CSMD1: variants seen among roughly 807,000 people sequenced by gnomAD.
CSMD1 encodes the protein CUB and sushi domain-containing protein 1.
A neutral mutation model predicts 417.5 loss-of-function variants in CSMD1; 213 were observed. That is an observed-to-expected ratio of 0.51 (90% CI 0.46 to 0.57). CSMD1 has a LOEUF of 0.57. CSMD1 is among the 20% of genes least tolerant of loss of function. The pLI is 0.00. For synonymous variants in CSMD1, 2,862 were observed against 1,736.8 expected, an observed-to-expected ratio of 1.65 and a Z score of -16.11; for missense variants, 6,923 against 4,529.7, an observed-to-expected ratio of 1.53 and a Z score of -15.17.
At chr8:3,588,090 A>C (rs1053079098) in intron 8 of CSMD1, among the ~76,000 whole-genome samples, 19 of 150,466 alleles carry the variant, frequency 1.3e-4, no homozygotes, top group Non-Finnish European at 1.2e-4. Context: ...TCTTTTAAAA[A>C]ATTGTTATAT....
chr8:3,165,817 G>A (rs1820174978), intron 37 of CSMD1, among the ~76,000 whole-genome samples: 2 of 152,100 alleles, frequency 1.3e-5, no homozygotes, highest in Non-Finnish European at 2.9e-5. Context: ...GTGGAGCACA[G>A]GAGAACTCTG....
At chr8:4,177,388 C>A (rs931645874) in intron 3 of CSMD1, among the ~76,000 whole-genome samples, 7 of 151,904 alleles carry the variant, frequency 4.6e-5, no homozygotes, top group African/African-American at 1.7e-4. Context: ...CCAACGAGAA[C>A]AAAGACACAA....
At chr8:4,161,153 T>G (rs555649768) in intron 3 of CSMD1, among the ~76,000 whole-genome samples, 8 of 151,702 alleles carry the variant, frequency 5.3e-5, no homozygotes, top group African/African-American at 1.9e-4. Context: ...TAAGACATGA[T>G]AAAAGTTCAG....
At chr8:3,080,864 C>T (rs945741256) in intron 49 of CSMD1, among the ~76,000 whole-genome samples, 7 of 152,128 alleles carry the variant, frequency 4.6e-5, no homozygotes, top group Admixed American at 6.5e-5. Flanking sequence ...GGATGGCCCT[C>T]ACAATGTATC....
chr8:3,390,479 AG>A, intron 17 of CSMD1, among the ~76,000 whole-genome samples: 1 of 152,076 alleles, frequency 6.6e-6, no homozygotes, highest in East Asian at 1.9e-4. Context: ...CTTGTGGGAA[AG>A]GTAGGGCAAA....
intron 5 of CSMD1, among the ~76,000 whole-genome samples, chr8:3,910,573 G>A (rs1392263149): frequency 1.3e-5 from 2 of 152,146 alleles, no homozygotes; most frequent in East Asian, 3.9e-4. Flanking sequence ...ACAGTATTAT[G>A]AATGCATTAT....
intron 23 of CSMD1, among the ~76,000 whole-genome samples, chr8:3,337,080 G>A: frequency 6.6e-6 from 1 of 152,164 alleles, no homozygotes; most frequent in South Asian, 2.1e-4. Context: ...CTGTCCCCCT[G>A]CCTCAAAAGC....
chr8:3,516,305 AG>A, intron 10 of CSMD1, among the ~76,000 whole-genome samples: 1 of 152,374 alleles, frequency 6.6e-6, no homozygotes, highest in African/African-American at 2.4e-5. Flanking sequence ...GGGATTATAA[AG>A]AATCCAAAGA....
At chr8:3,072,959 A>T (rs80312814) in intron 49 of CSMD1, among the ~76,000 whole-genome samples, 1 of 152,140 alleles carries the variant, frequency 6.6e-6, no homozygotes, top group Admixed American at 6.5e-5. Flanking sequence ...GGCTTGGAAA[A>T]ATCTCCCCAG....
chr8:3,569,892 T>G (rs573948143), intron 10 of CSMD1, among the ~76,000 whole-genome samples: 1 of 152,116 alleles, frequency 6.6e-6, no homozygotes, highest in Non-Finnish European at 1.5e-5. Context: ...TCTGAACATT[T>G]CTCCGAGATA....
intron 1 of CSMD1, among the ~76,000 whole-genome samples, chr8:4,764,872 C>CAAAAAAAAAAAAA (rs1194894751): frequency 3.5e-4 from 18 of 50,932 alleles, no homozygotes; most frequent in South Asian, 1.6e-3. Flanking sequence ...GACTCCATCT[C>CAAAAAAAAAAAAA]AAAAAAAAAA....
chr8:4,171,346 C>T (rs1432274104), intron 3 of CSMD1, among the ~76,000 whole-genome samples: 1 of 151,916 alleles, frequency 6.6e-6, no homozygotes, highest in South Asian at 2.1e-4. Context: ...GTGGAAACAA[C>T]TCCTTACCTT....
chr8:3,744,930 G>C (rs539566439), intron 6 of CSMD1, among the ~76,000 whole-genome samples: 72 of 152,310 alleles, frequency 4.7e-4, no homozygotes, highest in Admixed American at 9.2e-4. Flanking sequence ...AGCAGACTGA[G>C]GTTTCTAAGG....
chr8:3,319,316 C>A (rs1249787247), intron 23 of CSMD1, among the ~76,000 whole-genome samples: 3 of 152,142 alleles, frequency 2.0e-5, no homozygotes, highest in African/African-American at 4.8e-5. Context: ...AGAACCACTG[C>A]AGAGTCTTCA....
At position 4,761,936 on chromosome 8, in the gene CSMD1, T is replaced by A. The variant is rs186372238; in HGVS notation, c.86-124378A>T. Among the ~76,000 whole-genome samples the A allele has an allele frequency of 2.2e-3, 323 of 148,742 alleles. 3 individuals carry two copies. The highest frequency in any genetic ancestry group is 7.7e-3 in the African/African-American group (309 of 40,034). ...CAATCTATCTATCTATCTATCTATC[T>A]ATCTATCTATCTATCTATCTATCTA... On this transcript the variant is annotated intron_variant, in intron 1 of 69. Transcript: ENST00000635120.
chr8:3,535,580 TACTTAATGAGAAATA>T (rs1187612931), intron 10 of CSMD1, among the ~76,000 whole-genome samples: 6 of 152,088 alleles, frequency 3.9e-5, no homozygotes, highest in African/African-American at 7.2e-5. Flanking sequence ...GATGAGAAAT[TACTTAATGAGAAATA>T]ACTTAATGGG....
chr8:3,537,771 A>T (rs117741756), intron 10 of CSMD1, among the ~76,000 whole-genome samples: 2 of 152,218 alleles, frequency 1.3e-5, no homozygotes, highest in Non-Finnish European at 2.9e-5. Context: ...TAAAACAAGA[A>T]CACTTCACCA....
chr8:3,935,659 T>G (rs1337529898), intron 5 of CSMD1, among the ~76,000 whole-genome samples: 2 of 152,174 alleles, frequency 1.3e-5, no homozygotes, highest in Admixed American at 6.5e-5. Context: ...GTAAAATTAG[T>G]CAATAAATGT....
At chr8:3,854,356 C>T (rs2129101930) in intron 5 of CSMD1, among the ~76,000 whole-genome samples, 1 of 151,542 alleles carries the variant, frequency 6.6e-6, no homozygotes, top group East Asian at 1.9e-4. Context: ...AATTCTTTTC[C>T]TTTTGATTTT....
Sources: gnomAD v4.1 joint callset for allele counts (sites outside exome capture counted in the v4.1 genomes callset) on GRCh38, gnomAD v4.1.1 for gene constraint, MANE v1.5 for transcripts, NCBI Gene and HGNC (gene_info 2026-07-23, HGNC 2026-07-21) for gene names.